The following MECOM variants were observed in gnomAD, a reference collection of about 807,000 sequenced individuals.
The protein encoded by MECOM is histone-lysine N-methyltransferase MECOM.
MECOM carries 13 observed loss-of-function variants against 116.3 expected under a neutral mutation model. The observed-to-expected ratio is 0.11, with a 90% CI of 0.07 to 0.18. The LOEUF is 0.18. MECOM is among the 10% of genes least tolerant of loss of function. MECOM has a pLI of 1.00. For synonymous variants in MECOM, 528 were observed against 535.2 expected (o/e 0.99, Z 0.19); for missense variants, 1,299 against 1,509.0 (o/e 0.86, Z 2.31).
chr3:169,316,129 GA>G (rs945111810), intron 2 of MECOM, among the ~76,000 whole-genome samples: 1 of 152,206 alleles, frequency 6.6e-6, no homozygotes, highest in Non-Finnish European at 1.5e-5. Flanking sequence ...ACAGAAAATA[GA>G]AAACCATTTG....
At chr3:169,350,129 T>G (rs1446566873) in intron 2 of MECOM, among the ~76,000 whole-genome samples, 1 of 152,036 alleles carries the variant, frequency 6.6e-6, no homozygotes, top group Non-Finnish European at 1.5e-5. Flanking sequence ...CAATTCCCTA[T>G]TTTGTTTATT....
At chr3:169,302,540 G>T (rs1215237812) in intron 2 of MECOM, among the ~76,000 whole-genome samples, 3 of 152,154 alleles carry the variant, frequency 2.0e-5, no homozygotes. Context: ...TTTTGAACCA[G>T]GGAAAAACTA....
At chr3:169,215,012 T>A (rs1297795867) in intron 2 of MECOM, among the ~76,000 whole-genome samples, 3 of 150,642 alleles carry the variant, frequency 2.0e-5, no homozygotes, top group African/African-American at 7.3e-5. Flanking sequence ...AAGCCCAGGC[T>A]TTTCTTATAG....
At chr3:169,125,629 A>C (rs2149157697) in intron 5 of MECOM, among the ~76,000 whole-genome samples, 1 of 152,264 alleles carries the variant, frequency 6.6e-6, no homozygotes, top group Non-Finnish European at 1.5e-5. Context: ...AATCAGTAAT[A>C]AAAAGCACAA....
intron 4 of MECOM, among the ~76,000 whole-genome samples, chr3:169,128,518 G>C (rs1733648758): frequency 6.6e-6 from 1 of 152,134 alleles, no homozygotes; most frequent in Non-Finnish European, 1.5e-5. Flanking sequence ...GCTGTATAAG[G>C]TTTTGAAACC....
chr3:169,275,485 G>A (rs1283824665), intron 2 of MECOM, among the ~76,000 whole-genome samples: 4 of 152,198 alleles, frequency 2.6e-5, no homozygotes, highest in African/African-American at 9.6e-5. Context: ...TATCTTGTGA[G>A]CAGGAAGATT....
At chr3:169,357,199 G>C (rs1577838792) in intron 2 of MECOM, among the ~76,000 whole-genome samples, 1 of 151,788 alleles carries the variant, frequency 6.6e-6, no homozygotes, top group Admixed American at 6.6e-5. Flanking sequence ...GGAACACTAA[G>C]AGCTATATAA....
At chr3:169,092,087 G>GT in intron 14 of MECOM, among the ~76,000 whole-genome samples, 1 of 152,178 alleles carries the variant, frequency 6.6e-6, no homozygotes, top group South Asian at 2.1e-4. Flanking sequence ...GTGAAATAGT[G>GT]TTTCATTAAC....
intron 1 of MECOM, among the ~76,000 whole-genome samples, chr3:169,461,402 T>C (rs1747417267): frequency 6.6e-6 from 1 of 152,162 alleles, no homozygotes; most frequent in Non-Finnish European, 1.5e-5. Flanking sequence ...GAAGCTGACA[T>C]CATGGCAAAG....
At chr3:169,271,915 A>G (rs1000968284) in intron 2 of MECOM, among the ~76,000 whole-genome samples, 2 of 152,134 alleles carry the variant, frequency 1.3e-5, no homozygotes, top group Non-Finnish European at 2.9e-5. Flanking sequence ...AATTAACACC[A>G]TCAAGGCCAT....
intron 2 of MECOM, among the ~76,000 whole-genome samples, chr3:169,279,795 T>G (rs1330190952): frequency 6.6e-6 from 1 of 152,238 alleles, no homozygotes; most frequent in African/African-American, 2.4e-5. Context: ...TGTTTTCTTT[T>G]TTTAACAAAA....
intron 2 of MECOM, among the ~76,000 whole-genome samples, chr3:169,276,835 T>G (rs1381952176): frequency 6.6e-6 from 1 of 152,230 alleles, no homozygotes; most frequent in African/African-American, 2.4e-5. Context: ...TTTAAAACAA[T>G]GTAGCAAGCC....
intron 1 of MECOM, among the ~76,000 whole-genome samples, chr3:169,635,881 C>T (rs2109997261): frequency 6.6e-6 from 1 of 152,308 alleles, no homozygotes; most frequent in South Asian, 2.1e-4. Flanking sequence ...TTATTCTTCA[C>T]CTAAATCTTC....
intron 1 of MECOM, among the ~76,000 whole-genome samples, chr3:169,635,586 T>A (rs1772635422): frequency 6.6e-6 from 1 of 152,246 alleles, no homozygotes; most frequent in Non-Finnish European, 1.5e-5. Context: ...CTATCAAAAG[T>A]GAATCCATCT....
At chr3:169,636,444 T>C (rs79959861) in intron 1 of MECOM, among the ~76,000 whole-genome samples, 2,316 of 152,210 alleles carry the variant, frequency 0.015, 61 homozygotes, top group African/African-American at 0.053. Context: ...AAAAAAGAAA[T>C]AGGAGACTGA....
chr3:169,378,432 AGAAAGAAAGAAAGAAAGAAG>A (rs1202062053), intron 2 of MECOM, among the ~76,000 whole-genome samples: 19 of 80,118 alleles, frequency 2.4e-4, no homozygotes, highest in African/African-American at 1.3e-3. Flanking sequence ...AAAGAAAGAA[AGAAAGAAAGAAAGAAAGAAG>A]GAAAGCAAGC....
intron 12 of MECOM, among the ~76,000 whole-genome samples, chr3:169,098,274 C>G (rs1722385210): frequency 6.6e-6 from 1 of 152,194 alleles, no homozygotes; most frequent in African/African-American, 2.4e-5. Context: ...TCCCACATTG[C>G]ATTTAGCTGT....
At chr3:169,369,341 C>CATTTT (rs1729698429) in intron 2 of MECOM, among the ~76,000 whole-genome samples, 1 of 82,298 alleles carries the variant, frequency 1.2e-5, no homozygotes, top group African/African-American at 5.6e-5. Context: ...TTGATTGCAG[C>CATTTT]CTTTTTTTTT....
At chr3:169,529,634 G>T (rs759706806) in intron 1 of MECOM, among the ~76,000 whole-genome samples, 1 of 152,172 alleles carries the variant, frequency 6.6e-6, no homozygotes, top group African/African-American at 2.4e-5. Flanking sequence ...TCACAGCAAC[G>T]AAGAATTTGA....
Sources: gnomAD v4.1 joint callset for allele counts (sites outside exome capture counted in the v4.1 genomes callset) on GRCh38, gnomAD v4.1.1 for gene constraint, MANE v1.5 for transcripts, NCBI Gene and HGNC (gene_info 2026-07-23, HGNC 2026-07-21) for gene names.